Variants in KCNQ3 observed in about 807,000 individuals in gnomAD.
KCNQ3 encodes the protein potassium voltage-gated channel subfamily KQT member 3.
Under a neutral mutation model 92.5 loss-of-function variants are expected in KCNQ3, and 30 were observed. The ratio of observed to expected loss-of-function variants is 0.32; its 90% CI spans 0.24 to 0.44. The LOEUF (loss-of-function observed/expected upper bound fraction) is 0.44, where lower values mean the gene tolerates loss of function less well. KCNQ3 is among the 20% of genes least tolerant of loss of function. KCNQ3 has a pLI of 1.00. For missense variants in KCNQ3, 913 were observed against 1,140.3 expected (o/e 0.80, Z 2.87); for synonymous variants, 450 against 468.8 (o/e 0.96, Z 0.52).
chr8:132,278,169 C>G, intron 1 of KCNQ3: 4 of 985,300 alleles, frequency 4.1e-6, no homozygotes, highest in Non-Finnish European at 4.8e-6. Flanking sequence ...ATTTACAACC[C>G]AGAGATGTCA....
intron 1 of KCNQ3, among the ~76,000 whole-genome samples, chr8:132,317,341 A>G (rs923818927): frequency 1.8e-4 from 27 of 151,994 alleles, no homozygotes; most frequent in African/African-American, 6.0e-4. Context: ...AAAACCATCA[A>G]TTTTCATGCA....
At chr8:132,479,783 C>T (rs1822500936) in intron 1 of KCNQ3, among the ~76,000 whole-genome samples, 1 of 152,060 alleles carries the variant, frequency 6.6e-6, no homozygotes, top group Non-Finnish European at 1.5e-5. Context: ...TCCTCTTCAA[C>T]CCTCACATTA....
chr8:132,129,999 G>A lies in KCNQ3; in HGVS notation c.1885-3C>T, dbSNP rs371467136. 4.3e-6 allele frequency: 7 copies of A among 1,612,988 alleles called. No homozygotes were observed. Among genetic ancestry groups the A allele is most frequent in the African/African-American group, 1.3e-5 (1 of 74,978 alleles). Reference sequence around the variant, plus strand: ...AGCTTCTTCCCCATGTCCTGAACCTGGAAAATCAAAGGAGCTGTGAATTAC... The same window carrying A: ...AGCTTCTTCCCCATGTCCTGAACCTAGAAAATCAAAGGAGCTGTGAATTAC... On this transcript the variant is annotated splice_polypyrimidine_tract_variant and splice_region_variant and intron_variant, in intron 14 of 14. Transcript: ENST00000388996. The surrounding 1 kb of genome is among the most constrained non-coding windows in gnomAD (Gnocchi z 5.9).
chr8:132,480,152 C>G lies in KCNQ3; in HGVS notation c.381G>C (p.Ala127=), dbSNP rs757696722. The G allele has an allele frequency of 6.2e-7, 1 of 1,612,488 alleles. No homozygotes were observed. Among genetic ancestry groups the G allele is most frequent in the African/African-American group, 1.3e-5 (1 of 75,000 alleles). Residue 127 remains alanine (A), a synonymous_variant, in exon 1 of 15, where the codon GCG becomes GCC. Coordinates refer to ENST00000388996, the MANE Select transcript of KCNQ3 (RefSeq NM_004519.4). ...CCGAGCGGCCGGGTACTCACACCAA[C>G]GCGTGGTAAAGCAGCGCCCAGCCCC... ...RPRGWALLYH[A]LVFLIVLGCL...
At chr8:132,355,855 T>C (rs1199365796) in intron 1 of KCNQ3, among the ~76,000 whole-genome samples, 2 of 152,224 alleles carry the variant, frequency 1.3e-5, no homozygotes, top group Non-Finnish European at 2.9e-5. Flanking sequence ...GTCCCTCAAC[T>C]ACCTGATCCT....
intron 1 of KCNQ3, among the ~76,000 whole-genome samples, chr8:132,360,490 A>G (rs1018910026): frequency 3.3e-5 from 5 of 152,198 alleles, no homozygotes; most frequent in African/African-American, 1.2e-4. Flanking sequence ...AGCCAGGCAC[A>G]TAGGAGGGGT....
At chr8:132,422,679 C>T (rs765466217) in intron 1 of KCNQ3, among the ~76,000 whole-genome samples, 37 of 152,306 alleles carry the variant, frequency 2.4e-4, no homozygotes, top group African/African-American at 3.8e-4. Flanking sequence ...ATCTCAGGGA[C>T]GCCTCCTCCC....
At chr8:132,356,233 C>T (rs1190217467) in intron 1 of KCNQ3, among the ~76,000 whole-genome samples, 1 of 152,150 alleles carries the variant, frequency 6.6e-6, no homozygotes, top group Non-Finnish European at 1.5e-5. Flanking sequence ...CACCTTCAGC[C>T]ATCACGGAAG....
chr8:132,219,395 G>A (rs546368731), intron 1 of KCNQ3, among the ~76,000 whole-genome samples: 9 of 152,018 alleles, frequency 5.9e-5, no homozygotes, highest in South Asian at 2.1e-4. Context: ...AGTTCTTCCC[G>A]CTTTGATGAA....
chr8:132,362,732 CA>C (rs1410336949), intron 1 of KCNQ3, among the ~76,000 whole-genome samples: 1 of 152,096 alleles, frequency 6.6e-6, no homozygotes, highest in Non-Finnish European at 1.5e-5. Context: ...AAGCAGAAAT[CA>C]AATGAGTGCA....
intron 1 of KCNQ3, among the ~76,000 whole-genome samples, chr8:132,265,794 T>C (rs1815962053): frequency 1.3e-5 from 2 of 152,220 alleles, no homozygotes; most frequent in East Asian, 3.8e-4. Context: ...CCATCCCTTT[T>C]TTCCTCCCTA....
intron 1 of KCNQ3, among the ~76,000 whole-genome samples, chr8:132,283,475 T>C (rs1438843029): frequency 6.6e-6 from 1 of 152,246 alleles, no homozygotes; most frequent in Non-Finnish European, 1.5e-5. Flanking sequence ...ACAAATGTGA[T>C]GTATTTGTTT....
intron 9 of KCNQ3, among the ~76,000 whole-genome samples, chr8:132,146,465 G>A (rs1825451068): frequency 6.6e-6 from 1 of 152,190 alleles, no homozygotes; most frequent in Admixed American, 6.5e-5. Flanking sequence ...TAGAATGGTG[G>A]TTTCCAGGGC....
chr8:132,268,116 C>T (rs575069589), intron 1 of KCNQ3, among the ~76,000 whole-genome samples: 49 of 152,296 alleles, frequency 3.2e-4, no homozygotes, highest in African/African-American at 1.1e-3. Context: ...TCCCCACCAG[C>T]TACTGATGCT....
chr8:132,150,559 AAGTTAT>A (rs1462271743), intron 9 of KCNQ3, among the ~76,000 whole-genome samples: 8 of 152,294 alleles, frequency 5.3e-5, no homozygotes, highest in Non-Finnish European at 7.4e-5. Flanking sequence ...TGGATTATCC[AAGTTAT>A]AGTTATATTT....
intron 9 of KCNQ3, among the ~76,000 whole-genome samples, chr8:132,154,193 G>GTTTTTTTTTTTTTTTTTTTTTTTTTTTTT (rs869112851): frequency 7.3e-5 from 2 of 27,452 alleles, no homozygotes; most frequent in African/African-American, 1.5e-4. Flanking sequence ...AAGGGTAAAA[G>GTTTTTTTTTTTTTTTTTTTTTTTTTTTTT]TTTTTTTTTT....
At chr8:132,396,119 G>T (rs1162621353) in intron 1 of KCNQ3, among the ~76,000 whole-genome samples, 1 of 152,188 alleles carries the variant, frequency 6.6e-6, no homozygotes, top group Non-Finnish European at 1.5e-5. Flanking sequence ...GGCCCTCAAC[G>T]CACTGTTGTC....
intron 1 of KCNQ3, among the ~76,000 whole-genome samples, chr8:132,258,848 G>A (rs1363469139): frequency 6.6e-6 from 1 of 151,950 alleles, no homozygotes; most frequent in Admixed American, 6.5e-5. Context: ...AAGAAATAAA[G>A]AGAATTATAA....
chr8:132,250,455 A>G (rs1815368284), intron 1 of KCNQ3, among the ~76,000 whole-genome samples: 1 of 152,216 alleles, frequency 6.6e-6, no homozygotes, highest in Non-Finnish European at 1.5e-5. Flanking sequence ...GAACTAGGAA[A>G]TAGTGTGTCG....
Sources: allele counts gnomAD v4.1 joint callset (sites outside exome capture counted in the v4.1 genomes callset), GRCh38; gene constraint gnomAD v4.1.1; non-coding constraint Gnocchi (gnomAD v3.1); transcripts MANE v1.5; gene names NCBI Gene and HGNC (gene_info 2026-07-23, HGNC 2026-07-21).